ITGB5: variants seen among roughly 807,000 people sequenced by gnomAD.
ITGB5 encodes the protein integrin beta-5.
A neutral mutation model predicts 84.8 loss-of-function variants in ITGB5; 38 were observed. The ratio of observed to expected loss-of-function variants is 0.45; its 90% CI spans 0.35 to 0.59. The LOEUF (loss-of-function observed/expected upper bound fraction) is 0.59. ITGB5 is among the 20% of genes least tolerant of loss of function. ITGB5 has a pLI of 0.01. For synonymous variants in ITGB5, 393 were observed against 414.4 expected, an observed-to-expected ratio of 0.95 and a Z score of 0.63; for missense variants, 905 against 1,034.5, an observed-to-expected ratio of 0.87 and a Z score of 1.72.
chr3:124,796,946 C>A (rs1225155594), intron 9 of ITGB5, 129 bp from the exon 10 acceptor site: 2 of 833,404 alleles, frequency 2.4e-6, no homozygotes, highest in East Asian at 2.7e-5. Flanking sequence ...GGTAGAACCA[C>A]CAAGATGGCC....
At chr3:124,783,290 C>CAAAAAA (rs758967509) in intron 10 of ITGB5, among the ~76,000 whole-genome samples, 2 of 56,974 alleles carry the variant, frequency 3.5e-5, no homozygotes, top group Non-Finnish European at 3.6e-5. Flanking sequence ...GACTCCGTCT[C>CAAAAAA]AAAAAAAAAA....
intron 4 of ITGB5, among the ~76,000 whole-genome samples, chr3:124,842,369 A>T (rs77019735): frequency 0.022 from 3,314 of 152,344 alleles, 48 homozygotes; most frequent in Middle Eastern, 0.048. Context: ...GTTACTTTCC[A>T]TTACAGCTCT....
chr3:124,837,152 C>T (rs1048129702), intron 5 of ITGB5, among the ~76,000 whole-genome samples: 1 of 152,352 alleles, frequency 6.6e-6, no homozygotes, highest in Middle Eastern at 3.4e-3. Context: ...TGATAACTGA[C>T]AACTTGGGAC....
At chr3:124,817,056 T>C (rs2064612200) in intron 8 of ITGB5, among the ~76,000 whole-genome samples, 2 of 152,212 alleles carry the variant, frequency 1.3e-5, no homozygotes, top group Non-Finnish European at 2.9e-5. Context: ...CTCATCTCTC[T>C]ATATATATTT....
chr3:124,889,300 A>G (rs915171184), upstream of ITGB5, among the ~76,000 whole-genome samples: 2 of 152,226 alleles, frequency 1.3e-5, no homozygotes, highest in African/African-American at 4.8e-5. Context: ...AGGCTGATCA[A>G]GGACCCAAAA....
chr3:124,768,949 A>C, intron 12 of ITGB5, 64 bp downstream of exon 12: 1 of 1,365,932 alleles, frequency 7.3e-7, no homozygotes, highest in Admixed American at 1.7e-5. Context: ...CTCAAGGCTA[A>C]AACTACCCTC....
intron 9 of ITGB5, among the ~76,000 whole-genome samples, chr3:124,802,919 A>C (rs1323067496): frequency 1.3e-5 from 2 of 152,084 alleles, no homozygotes; most frequent in Non-Finnish European, 2.9e-5. Context: ...CAAGACAACA[A>C]CACTGGGACA....
intron 4 of ITGB5, 52 bp from the exon 5 acceptor site, chr3:124,841,603 A>C: frequency 6.3e-7 from 1 of 1,582,480 alleles, no homozygotes; most frequent in African/African-American, 1.3e-5. Flanking sequence ...TGTAAATCTT[A>C]ACCAAGTGTT....
chr3:124,879,942 G>A (rs1055035931), intron 1 of ITGB5, among the ~76,000 whole-genome samples: 2 of 152,160 alleles, frequency 1.3e-5, no homozygotes, highest in Non-Finnish European at 1.5e-5. Context: ...GAGGCTTCTC[G>A]CTTGATATGA....
chr3:124,848,871 C>T (rs1203393209), intron 3 of ITGB5, among the ~76,000 whole-genome samples: 2 of 152,126 alleles, frequency 1.3e-5, no homozygotes, highest in Non-Finnish European at 2.9e-5. Context: ...CCTCTGCCTA[C>T]CAGGTTCAAG....
intron 5 of ITGB5, among the ~76,000 whole-genome samples, chr3:124,840,943 C>T (rs541551617): frequency 2.0e-5 from 3 of 152,298 alleles, no homozygotes; most frequent in East Asian, 1.9e-4. Flanking sequence ...GGATTACAGG[C>T]GTGAGCCACC....
At chr3:124,900,069 A>G (rs541192457) in intron 1 of ITGB5, among the ~76,000 whole-genome samples, 1 of 152,222 alleles carries the variant, frequency 6.6e-6, no homozygotes, top group African/African-American at 2.4e-5. Context: ...CTCTATTTGC[A>G]TCTGGCACCA....
At chr3:124,898,228 T>G (rs1383433645) in intron 1 of ITGB5, among the ~76,000 whole-genome samples, 2 of 151,640 alleles carry the variant, frequency 1.3e-5, no homozygotes, top group African/African-American at 4.8e-5. Flanking sequence ...CTTTTTTTTT[T>G]TTTAACTTGA....
chr3:124,889,662 C>T (rs1289413724), upstream of ITGB5, among the ~76,000 whole-genome samples: 1 of 152,116 alleles, frequency 6.6e-6, no homozygotes, highest in Non-Finnish European at 1.5e-5. Flanking sequence ...CTTGGAGCTA[C>T]CTGTCTCTTA....
Position 124,763,497 on chromosome 3 carries a change from G to T in ITGB5, c.*126C>A. 1.6e-6 allele frequency: 1 copy of T among 606,692 alleles called. No homozygotes were observed. Among genetic ancestry groups the T allele is most frequent in the Non-Finnish European group, 3.0e-6 (1 of 335,438 alleles). 37.6% of individuals were successfully genotyped at this position (606,692 alleles called of 1,614,324 possible). On this transcript the variant is annotated 3_prime_UTR_variant, in exon 15 of 15. Coordinates refer to ENST00000296181, the MANE Select transcript of ITGB5 (RefSeq NM_002213.5). ...CAGGCACTGTGGGCTCCTGGCCCAG[G>T]CTCACTAGAAGGTCTTCTCTGTGGT...
chr3:124,851,464 C>A (rs1462878401), intron 3 of ITGB5, among the ~76,000 whole-genome samples: 1 of 152,126 alleles, frequency 6.6e-6, no homozygotes, highest in Non-Finnish European at 1.5e-5. Flanking sequence ...CTTGGGCATA[C>A]AAATTTAACC....
chr3:124,832,704 G>A (rs575716876), intron 5 of ITGB5, among the ~76,000 whole-genome samples: 4 of 152,182 alleles, frequency 2.6e-5, no homozygotes, highest in South Asian at 2.1e-4. Context: ...CAGGCATCAC[G>A]GCTACTTCAA....
rs2063710029 is a variant in ITGB5, at chr3:124,762,564, T to C, written c.*1059A>G. Reference sequence around the variant, plus strand: ...ATTGGGCCTGCATGGGACGTAAGTGTTTCGGGAGTGAGGGGAGGCCTTGGA... The same window carrying C: ...ATTGGGCCTGCATGGGACGTAAGTGCTTCGGGAGTGAGGGGAGGCCTTGGA... On this transcript the variant is annotated 3_prime_UTR_variant, in exon 15 of 15. Coordinates refer to ENST00000296181, the MANE Select transcript of ITGB5 (RefSeq NM_002213.5). 6.6e-6 allele frequency: 1 copy of C among 152,178 alleles called. No homozygotes were observed. The allele number at this position is 152,178 out of a possible 1,614,324, so 9.4% of individuals were successfully genotyped here.
At position 124,763,709 on chromosome 3, in the gene ITGB5, G is replaced by A; in HGVS notation, c.2314C>T (p.Pro772Ser). The A allele has an allele frequency of 6.2e-7, 1 of 1,600,482 alleles. No homozygotes were observed. Among genetic ancestry groups the A allele is most frequent in the Non-Finnish European group, 8.6e-7 (1 of 1,167,668 alleles). Residue 772 changes from proline (P) to serine (S), a missense_variant, in exon 15 of 15, where the codon CCA becomes TCA. Around this residue, in one of 3 missense-constraint regions of ITGB5, gnomAD observed 133 missense variants for 122.8 expected, o/e 1.08. Coordinates refer to ENST00000296181, the MANE Select transcript of ITGB5 (RefSeq NM_002213.5). Reference protein sequence around the residue: ...SRARYEMASNPLYRKPISTHT... With the variant: ...SRARYEMASNSLYRKPISTHT... ...GTGGAGATAGGCTTTCTGTATAATG[G>A]ATTTGAAGCCTACAGAACACGGCGG... is the stretch of plus-strand genomic sequence containing the variant.
Sources: allele counts gnomAD v4.1 joint callset (sites outside exome capture counted in the v4.1 genomes callset), GRCh38; gene constraint gnomAD v4.1.1; regional missense constraint gnomAD v4.1.1; transcripts MANE v1.5; gene names NCBI Gene and HGNC (gene_info 2026-07-23, HGNC 2026-07-21).